Variants in CSMD1 observed in about 807,000 individuals in gnomAD.
CSMD1 encodes CUB and Sushi multiple domains 1.
A neutral mutation model predicts 417.5 loss-of-function variants in CSMD1; 213 were observed. The observed-to-expected ratio is 0.51, with a 90% confidence interval of 0.46 to 0.57. The LOEUF (loss-of-function observed/expected upper bound fraction) is 0.57, where lower values mean the gene tolerates loss of function less well. CSMD1 is among the 20% of genes least tolerant of loss of function. CSMD1 has a pLI of 0.00. For missense variants in CSMD1, 6,923 were observed against 4,529.7 expected, an observed-to-expected ratio of 1.53 and a Z score of -15.17; for synonymous variants, 2,862 against 1,736.8, an observed-to-expected ratio of 1.65 and a Z score of -16.11.
At chr8:3,495,433 G>T (rs982924751) in intron 10 of CSMD1, among the ~76,000 whole-genome samples, 4 of 152,070 alleles carry the variant, frequency 2.6e-5, no homozygotes, top group African/African-American at 9.7e-5. Context: ...TATATGAATG[G>T]GCTCTCATTA....
intron 1 of CSMD1, among the ~76,000 whole-genome samples, chr8:4,910,895 G>A (rs184852413): frequency 7.2e-5 from 11 of 152,238 alleles, no homozygotes; most frequent in Admixed American, 2.0e-4. Context: ...GTTGTGAAAG[G>A]GACCCAGTGG....
intron 12 of CSMD1, among the ~76,000 whole-genome samples, chr8:3,452,797 G>A (rs1408881596): frequency 1.3e-5 from 2 of 152,098 alleles, no homozygotes; most frequent in African/African-American, 2.4e-5. Context: ...TTGTGTCTCT[G>A]CCAGGCTTTG....
chr8:3,786,575 G>T (rs777664105), intron 5 of CSMD1, among the ~76,000 whole-genome samples: 1 of 152,158 alleles, frequency 6.6e-6, no homozygotes, highest in African/African-American at 2.4e-5. Context: ...AACGGCCTAG[G>T]ATGGACAGGA....
chr8:3,233,263 G>A (rs1041742419), intron 26 of CSMD1, among the ~76,000 whole-genome samples: 4 of 152,060 alleles, frequency 2.6e-5, no homozygotes, highest in South Asian at 2.1e-4. Flanking sequence ...GTGGATTAAC[G>A]GATTTATGGG....
chr8:3,065,796 A>T (rs1369669958), intron 49 of CSMD1, among the ~76,000 whole-genome samples: 1 of 152,224 alleles, frequency 6.6e-6, no homozygotes, highest in Non-Finnish European at 1.5e-5. Context: ...TGCATGGATA[A>T]ATCAAAAGTA....
intron 1 of CSMD1, among the ~76,000 whole-genome samples, chr8:4,927,433 G>C (rs1806943893): frequency 6.6e-6 from 1 of 152,120 alleles, no homozygotes; most frequent in Non-Finnish European, 1.5e-5. Flanking sequence ...GGCACAGTGT[G>C]AAAGTTTAAT....
At chr8:3,830,877 G>A (rs1040391965) in intron 5 of CSMD1, among the ~76,000 whole-genome samples, 6 of 152,060 alleles carry the variant, frequency 3.9e-5, no homozygotes, top group African/African-American at 1.2e-4. Flanking sequence ...TGTCTTCATC[G>A]AGGTTCACTA....
intron 3 of CSMD1, among the ~76,000 whole-genome samples, chr8:4,179,113 T>G (rs1584967409): frequency 6.6e-6 from 1 of 152,284 alleles, no homozygotes; most frequent in South Asian, 2.1e-4. Flanking sequence ...AGAGCCCGCA[T>G]CGCCAAGTCA....
At chr8:4,822,456 A>G (rs1799575559) in intron 1 of CSMD1, among the ~76,000 whole-genome samples, 1 of 152,038 alleles carries the variant, frequency 6.6e-6, no homozygotes, top group African/African-American at 2.4e-5. Flanking sequence ...AAAAATGTAA[A>G]CTGTCAGTTT....
intron 3 of CSMD1, among the ~76,000 whole-genome samples, chr8:4,268,959 C>T (rs1184019338): frequency 6.6e-6 from 1 of 152,124 alleles, no homozygotes; most frequent in African/African-American, 2.4e-5. Flanking sequence ...TCTGCTGTAT[C>T]CTTTTATTTT....
At chr8:4,155,289 G>T (rs1371470185) in intron 3 of CSMD1, among the ~76,000 whole-genome samples, 1 of 152,126 alleles carries the variant, frequency 6.6e-6, no homozygotes, top group Non-Finnish European at 1.5e-5. Context: ...TTAGGGGGTG[G>T]AGCAGCAAGA....
chr8:4,583,498 G>C (rs1799547774), intron 2 of CSMD1, among the ~76,000 whole-genome samples: 1 of 151,220 alleles, frequency 6.6e-6, no homozygotes, highest in Admixed American at 6.6e-5. Flanking sequence ...CTAGCTCAGG[G>C]ATTGTAAATA....
intron 3 of CSMD1, among the ~76,000 whole-genome samples, chr8:4,072,854 G>A (rs371684292): frequency 6.6e-6 from 1 of 152,148 alleles, no homozygotes; most frequent in Non-Finnish European, 1.5e-5. Context: ...CAACAATTTA[G>A]AAGCTTGAAA....
chr8:4,191,196 A>T (rs553164602), intron 3 of CSMD1, among the ~76,000 whole-genome samples: 1 of 152,306 alleles, frequency 6.6e-6, no homozygotes, highest in African/African-American at 2.4e-5. Flanking sequence ...GGAGATTGAG[A>T]CCATCCCGGC....
At chr8:4,237,863 G>C (rs1802161485) in intron 3 of CSMD1, among the ~76,000 whole-genome samples, 1 of 152,140 alleles carries the variant, frequency 6.6e-6, no homozygotes, top group Middle Eastern at 3.4e-3. Flanking sequence ...TTTTTTTCTG[G>C]ACAATGCCTT....
At chr8:3,287,875 T>A (rs1335268502) in intron 25 of CSMD1, among the ~76,000 whole-genome samples, 1 of 146,968 alleles carries the variant, frequency 6.8e-6, no homozygotes, top group Non-Finnish European at 1.5e-5. Context: ...ATCCCTCTCT[T>A]GTGCCAGTTT....
chr8:3,837,362 A>T (rs1459835754), intron 5 of CSMD1, among the ~76,000 whole-genome samples: 1 of 152,176 alleles, frequency 6.6e-6, no homozygotes, highest in Non-Finnish European at 1.5e-5. Flanking sequence ...AGCTATATTA[A>T]GCCACTAAAT....
At chr8:3,864,473 C>T (rs1329430980) in intron 5 of CSMD1, among the ~76,000 whole-genome samples, 1 of 152,092 alleles carries the variant, frequency 6.6e-6, no homozygotes, top group East Asian at 1.9e-4. Flanking sequence ...GAGGAAGACA[C>T]TTTTTTTATT....
chr8:4,539,998 C>G (rs1480344766), intron 2 of CSMD1, among the ~76,000 whole-genome samples: 1 of 152,180 alleles, frequency 6.6e-6, no homozygotes, highest in African/African-American at 2.4e-5. Flanking sequence ...TATTGAGCCG[C>G]TCACCGGGGC....
Sources: gnomAD v4.1 joint callset for allele counts (sites outside exome capture counted in the v4.1 genomes callset) on GRCh38, gnomAD v4.1.1 for gene constraint, MANE v1.5 for transcripts, NCBI Gene and HGNC (gene_info 2026-07-23, HGNC 2026-07-21) for gene names.